The following RIF1 variants were observed in gnomAD, a reference collection of about 807,000 sequenced individuals.
RIF1 encodes the protein telomere-associated protein RIF1.
RIF1 carries 45 observed loss-of-function variants against 247.1 expected under a neutral mutation model. The ratio of observed to expected loss-of-function variants is 0.18; its 90% CI spans 0.14 to 0.23. The LOEUF is 0.23. Among genes scored for constraint, RIF1 ranks in the 10% least tolerant of loss-of-function variants. RIF1 has a pLI of 1.00. For synonymous variants in RIF1, 1,087 were observed against 978.8 expected (o/e 1.11, Z -2.06); for missense variants, 2,967 against 2,862.5 (o/e 1.04, Z -0.83).
At chr2:151,446,147 C>G (rs1693227829) in intron 19 of RIF1, among the ~76,000 whole-genome samples, 1 of 152,108 alleles carries the variant, frequency 6.6e-6, no homozygotes, top group African/African-American at 2.4e-5. Flanking sequence ...GCTGGGATTA[C>G]AGGCATCCGC....
At chr2:151,424,600 T>C (rs1180108538) in intron 8 of RIF1, among the ~76,000 whole-genome samples, 1 of 152,176 alleles carries the variant, frequency 6.6e-6, no homozygotes, top group Non-Finnish European at 1.5e-5. Flanking sequence ...TTCAGTTTTT[T>C]GGGTATATGC....
intron 10 of RIF1, chr2:151,497,972 G>A: frequency 1.4e-6 from 2 of 1,435,126 alleles, no homozygotes; most frequent in Non-Finnish European, 9.1e-7. Context: ...TGTGAGTACG[G>A]TGCCTCCTAA....
intron 9 of RIF1, 143 bp from the exon 10 acceptor site, chr2:151,432,934 G>C (rs1690444556): frequency 1.8e-6 from 1 of 566,524 alleles, no homozygotes; most frequent in Non-Finnish European, 2.9e-6. Context: ...TTTGGGTAGA[G>C]CAAGGACAGC....
chr2:151,454,282 T>C (rs939848999), intron 21 of RIF1, among the ~76,000 whole-genome samples: 5 of 152,210 alleles, frequency 3.3e-5, no homozygotes, highest in African/African-American at 1.2e-4. Flanking sequence ...TGTGGGTTTA[T>C]TCTTCTAGGT....
chr2:151,428,626 A>G (rs1262937344), intron 8 of RIF1, among the ~76,000 whole-genome samples, 158 bp from the exon 9 acceptor site: 5 of 152,220 alleles, frequency 3.3e-5, no homozygotes, highest in Non-Finnish European at 7.3e-5. Flanking sequence ...CTAACATTTA[A>G]CACATCTCTT....
chr2:151,446,330 C>G, intron 19 of RIF1, 96 bp from the exon 20 acceptor site: 16 of 1,085,968 alleles, frequency 1.5e-5, no homozygotes, highest in African/African-American at 3.2e-5. Flanking sequence ...CTAAATGTTG[C>G]AGTGTTTTTA....
exon 12 of RIF1, chr2:151,503,055 T>G (rs1398401805): frequency 1.7e-6 from 1 of 589,040 alleles, no homozygotes; most frequent in Non-Finnish European, 3.0e-6. Flanking sequence ...AACTCTACAA[T>G]GCTAATTCTG....
At chr2:151,496,480 G>A in intron 10 of RIF1, 1 of 1,464,348 alleles carries the variant, frequency 6.8e-7, no homozygotes, top group Non-Finnish European at 9.2e-7. Context: ...CGTCCAAGGA[G>A]CCAGAAGTTA....
At position 151,411,952 on chromosome 2, in the gene RIF1, G is replaced by C. The variant is rs181873558; in HGVS notation, c.183+614G>C. Among the ~76,000 whole-genome samples, 26 of 152,324 alleles carry C rather than the reference G, an allele frequency of 1.7e-4. No homozygotes were observed. In the East Asian group the frequency reaches 4.6e-3, roughly 27 times the overall value. The stretch of plus-strand genomic sequence containing the variant: ...TAGGGGCACTTGAATCTGAGTTTGT[G>C]CTCTTGAAAGCAGAGATCAGAGATT... On this transcript the variant is annotated intron_variant, in intron 3 of 35. Coordinates refer to ENST00000444746, the MANE Select transcript of RIF1 (RefSeq NM_018151.5).
chr2:151,493,049 G>A (rs1353032344), intron 9 of RIF1: 1 of 284,732 alleles, frequency 3.5e-6, no homozygotes, highest in Non-Finnish European at 6.6e-6. Context: ...AAGTAAATTT[G>A]TTATAGTTGG....
chr2:151,510,306 T>C (rs909797186), downstream of RIF1, among the ~76,000 whole-genome samples: 19 of 152,176 alleles, frequency 1.2e-4, 1 homozygote, highest in African/African-American at 4.6e-4. Context: ...ATTCCTTCAT[T>C]ATTTTGTTAT....
chr2:151,465,355 AAAT>A lies in RIF1; in HGVS notation c.5838_5840del (p.Asn1946del), dbSNP rs1559021055. ...TTTCTGAAGAAGCAGCAATAGAAGA[AAAT>A]AAAAGAAATGATGACTCTGAAGCAG... On this transcript the variant is annotated inframe_deletion, in exon 30 of 36. Coordinates refer to ENST00000444746, the MANE Select transcript of RIF1 (RefSeq NM_018151.5). 2.5e-6 allele frequency: 4 copies of A among 1,613,844 alleles called. No individual in the cohort carries two copies. The East Asian group carries it at 6.7e-5, about 27-fold the overall frequency.
chr2:151,453,738 C>T (rs557731814), intron 21 of RIF1, among the ~76,000 whole-genome samples: 1 of 152,142 alleles, frequency 6.6e-6, no homozygotes, highest in African/African-American at 2.4e-5. Flanking sequence ...TTTCCCATTA[C>T]TGGTGATGTT....
chr2:151,427,672 G>A (rs1689354194), intron 8 of RIF1, among the ~76,000 whole-genome samples: 1 of 152,090 alleles, frequency 6.6e-6, no homozygotes, highest in Non-Finnish European at 1.5e-5. Context: ...TGTAATCCCA[G>A]CACTTTGGGA....
chr2:151,435,640 A>G (rs1416884350), intron 11 of RIF1, 60 bp downstream of exon 11: 2 of 896,536 alleles, frequency 2.2e-6, no homozygotes, highest in Admixed American at 1.9e-5. Context: ...ACCTAGAAGC[A>G]TAGTTTTGAA....
downstream of RIF1, among the ~76,000 whole-genome samples, chr2:151,485,000 A>G (rs1224724941): frequency 6.6e-6 from 1 of 152,140 alleles, no homozygotes; most frequent in Non-Finnish European, 1.5e-5. Flanking sequence ...GGACTTACCT[A>G]CCTTCTAGGA....
the RIF1 span, among the ~76,000 whole-genome samples, chr2:151,533,924 A>G: frequency 6.6e-6 from 1 of 152,338 alleles, no homozygotes; most frequent in African/African-American, 2.4e-5. Flanking sequence ...TTTGCAACTC[A>G]ATCTGCAGTT....
chr2:151,486,913 G>A (rs1194519365), downstream of RIF1, among the ~76,000 whole-genome samples: 1 of 152,206 alleles, frequency 6.6e-6, no homozygotes, highest in African/African-American at 2.4e-5. Flanking sequence ...TAATTCACCA[G>A]AAGAGTTTTG....
At chr2:151,531,308 CTTTTTTT>C in the RIF1 span, among the ~76,000 whole-genome samples, 32 of 84,030 alleles carry the variant, frequency 3.8e-4, no homozygotes, top group Admixed American at 1.8e-3. Context: ...TTTTTTCTTT[CTTTTTTT>C]TTTTTTTTTT....
Sources: gnomAD v4.1 joint callset for allele counts (sites outside exome capture counted in the v4.1 genomes callset) on GRCh38, gnomAD v4.1.1 for gene constraint, MANE v1.5 for transcripts, NCBI Gene and HGNC (gene_info 2026-07-23, HGNC 2026-07-21) for gene names.